Variants in PRKN observed in about 807,000 individuals in gnomAD.
The protein encoded by PRKN is parkin RBR E3 ubiquitin protein ligase.
A neutral mutation model predicts 59.5 loss-of-function variants in PRKN; 56 were observed. That is an observed-to-expected ratio of 0.94 (90% CI 0.76 to 1.18). The LOEUF (loss-of-function observed/expected upper bound fraction) is 1.18, where lower values mean the gene tolerates loss of function less well. Among genes scored for constraint, PRKN ranks in the 50% most tolerant of loss-of-function variants. The probability of loss-of-function intolerance (pLI) is 0.00; values close to 1 mark genes in which losing one functional copy is unlikely to be tolerated. For synonymous variants in PRKN, 250 were observed against 222.1 expected, an observed-to-expected ratio of 1.13 and a Z score of -1.12; for missense variants, 657 against 596.4, an observed-to-expected ratio of 1.10 and a Z score of -1.06.
chr6:161,953,462 G>A (rs993140140), intron 6 of PRKN, among the ~76,000 whole-genome samples: 3 of 152,076 alleles, frequency 2.0e-5, no homozygotes, highest in African/African-American at 4.8e-5. Context: ...AATTTAGGGT[G>A]GGGGGATGGC....
At position 161,361,991 on chromosome 6, in the gene PRKN, A is replaced by G. The variant is rs1169317795; in HGVS notation, c.1168-1786T>C. On this transcript the variant is annotated intron_variant, in intron 10 of 11. Coordinates refer to ENST00000366898, the MANE Select transcript of PRKN (RefSeq NM_004562.3). The surrounding 1 kb of genome is among the most constrained non-coding windows in gnomAD (Gnocchi z 5.2). ...CATCCCCCCACCGACCTGCACCCCA[A>G]CGCCACCCCGGCCTCATGTTCCACG... Among the ~76,000 whole-genome samples the G allele has an allele frequency of 1.3e-5, 2 of 151,860 alleles. No homozygotes were observed. Among genetic ancestry groups the G allele is most frequent in the African/African-American group, 2.4e-5 (1 of 41,330 alleles).
chr6:162,515,372 C>T (rs1240927847), intron 1 of PRKN, among the ~76,000 whole-genome samples: 4 of 152,012 alleles, frequency 2.6e-5, no homozygotes, highest in South Asian at 2.1e-4. Context: ...CATGAGCCAC[C>T]GCACCTGGTG....
intron 1 of PRKN, among the ~76,000 whole-genome samples, chr6:162,523,686 T>G (rs1778161157): frequency 6.6e-6 from 1 of 151,638 alleles, no homozygotes; most frequent in African/African-American, 2.4e-5. Flanking sequence ...AAAAATCCAT[T>G]GGTTATTACA....
Position 162,014,808 on chromosome 6 carries a change from A to ATT in PRKN, c.618+39281_618+39282dup, listed in dbSNP as rs35505752. 1.3e-3 allele frequency among the ~76,000 whole-genome samples: 194 copies of ATT among 149,306 alleles called. 1 individual carries two copies. The highest frequency in any genetic ancestry group is 1.6e-3 in the East Asian group (8 of 5,024). On this transcript the variant is annotated intron_variant, in intron 5 of 11. Transcript: ENST00000366898. The stretch of plus-strand genomic sequence containing the variant: ...TAACACAATACAGATCACCTTTCGT[A>ATT]TTTTTTTTTTCACTCAGCAAGGTAG...
chr6:162,399,714 G>C (rs1322665693), intron 2 of PRKN, among the ~76,000 whole-genome samples: 3 of 152,012 alleles, frequency 2.0e-5, no homozygotes, highest in Non-Finnish European at 4.4e-5. Flanking sequence ...AAGCAGTTGT[G>C]TCCATGAAAC....
chr6:162,223,612 G>GACACACACACAC (rs34881644), intron 3 of PRKN, among the ~76,000 whole-genome samples: 18 of 129,306 alleles, frequency 1.4e-4, no homozygotes, highest in African/African-American at 5.1e-4. Flanking sequence ...ATAGACACGT[G>GACACACACACAC]ACACACACAC....
intron 7 of PRKN, among the ~76,000 whole-genome samples, chr6:161,768,313 G>T (rs142494513): frequency 6.6e-6 from 1 of 152,042 alleles, no homozygotes; most frequent in African/African-American, 2.4e-5. Flanking sequence ...TTTGTGAAAG[G>T]GTTTTCAATT....
chr6:162,399,037 G>T (rs1787628071), intron 2 of PRKN, among the ~76,000 whole-genome samples: 1 of 152,096 alleles, frequency 6.6e-6, no homozygotes, highest in East Asian at 1.9e-4. Flanking sequence ...TGAAAAATGG[G>T]ACAATAAAAA....
chr6:161,907,606 T>C (rs1367006605), intron 6 of PRKN, among the ~76,000 whole-genome samples: 2 of 152,146 alleles, frequency 1.3e-5, no homozygotes, highest in East Asian at 3.9e-4. Context: ...TTTGTGAATG[T>C]GCACTGGGGA....
chr6:162,727,375 A>C, intron 1 of PRKN: 5 of 429,392 alleles, frequency 1.2e-5, no homozygotes, highest in Non-Finnish European at 1.2e-5. Context: ...GGGACCGCGA[A>C]CGAGGAGCGG....
intron 1 of PRKN, among the ~76,000 whole-genome samples, chr6:162,679,004 G>A (rs957642708): frequency 5.9e-5 from 9 of 152,116 alleles, no homozygotes; most frequent in Non-Finnish European, 1.3e-4. Context: ...TTGAACTCCT[G>A]ACCTCAGGTG....
chr6:162,602,324 T>C (rs1329375170), intron 1 of PRKN, among the ~76,000 whole-genome samples: 2 of 152,050 alleles, frequency 1.3e-5, no homozygotes, highest in African/African-American at 4.8e-5. Context: ...CAGAGTGTCA[T>C]GAATTAAAAG....
intron 1 of PRKN, among the ~76,000 whole-genome samples, chr6:162,467,113 C>T (rs1209447638): frequency 6.6e-6 from 1 of 152,068 alleles, no homozygotes; most frequent in Non-Finnish European, 1.5e-5. Flanking sequence ...TTATGGAAGG[C>T]CTCTCAACAG....
chr6:162,227,863 C>T (rs1394283755), intron 3 of PRKN, among the ~76,000 whole-genome samples: 2 of 151,388 alleles, frequency 1.3e-5, no homozygotes, highest in Non-Finnish European at 2.9e-5. Flanking sequence ...TTGTGTTCCT[C>T]TATTGAAATT....
In PRKN at chr6:161,461,803, G is replaced by A. The variant is rs141737202; in HGVS notation, c.1084-74926C>T. ...GGAGGTATCCAGTAGGCAATGTGAA[G>A]TATAATCCAGGAGCTCTAGAGAATG... On this transcript the variant is annotated intron_variant, in intron 9 of 11. Transcript: ENST00000366898. This position sits in a 1 kb window ranked among gnomAD's most constrained non-coding sequence, Gnocchi z 5.1. 2.2e-4 allele frequency among the ~76,000 whole-genome samples: 34 copies of A among 152,290 alleles called. No homozygotes were observed. The highest frequency in any genetic ancestry group is 4.4e-4 in the Non-Finnish European group (30 of 68,016).
At chr6:161,829,470 C>T (rs1792387524) in intron 6 of PRKN, among the ~76,000 whole-genome samples, 1 of 152,122 alleles carries the variant, frequency 6.6e-6, no homozygotes, top group Admixed American at 6.5e-5. Flanking sequence ...TCTTTAGGCT[C>T]TCTGTGCTCC....
intron 7 of PRKN, among the ~76,000 whole-genome samples, chr6:161,641,146 A>G (rs1184922238): frequency 6.6e-6 from 1 of 152,222 alleles, no homozygotes; most frequent in Non-Finnish European, 1.5e-5. Flanking sequence ...CAAAGACGGT[A>G]ACAGCCCTTT....
chr6:161,727,920 C>A (rs563121369), intron 7 of PRKN, among the ~76,000 whole-genome samples: 1 of 152,044 alleles, frequency 6.6e-6, no homozygotes, highest in Admixed American at 6.5e-5. Context: ...AATTCCATAC[C>A]CCAGAAAATG....
chr6:161,358,673 ATAT>A (rs1280617441), intron 11 of PRKN, among the ~76,000 whole-genome samples: 23 of 150,434 alleles, frequency 1.5e-4, no homozygotes, highest in Non-Finnish European at 2.8e-4. Flanking sequence ...AAACCATCAC[ATAT>A]CTTCTCCTGG....
Sources: gnomAD v4.1 joint callset for allele counts (sites outside exome capture counted in the v4.1 genomes callset) on GRCh38, gnomAD v4.1.1 for gene constraint, Gnocchi (gnomAD v3.1) non-coding constraint, MANE v1.5 for transcripts, NCBI Gene and HGNC (gene_info 2026-07-23, HGNC 2026-07-21) for gene names.